CLEC6A: variants seen among roughly 807,000 people sequenced by gnomAD.
CLEC6A encodes C-type lectin domain family 6 member A.
A neutral mutation model predicts 25.7 loss-of-function variants in CLEC6A; 22 were observed. The ratio of observed to expected loss-of-function variants is 0.85; its 90% CI spans 0.61 to 1.22. The LOEUF (loss-of-function observed/expected upper bound fraction) is 1.22. Ranked by LOEUF, CLEC6A falls within the 50% of genes most tolerant of loss-of-function variation. The pLI, the probability that CLEC6A is intolerant of heterozygous loss-of-function variation, is 0.00. For missense variants in CLEC6A, 240 were observed against 236.8 expected (o/e 1.01, Z -0.09); for synonymous variants, 92 against 76.7 (o/e 1.20, Z -1.04).
intron 3 of CLEC6A, among the ~76,000 whole-genome samples, chr12:8,462,460 C>T (rs1371612487): frequency 1.4e-5 from 2 of 141,184 alleles, no homozygotes; most frequent in Non-Finnish European, 3.1e-5. Flanking sequence ...TGGAATGTCT[C>T]GGTATAAAAC....
rs1443785290 is a variant in CLEC6A at position 8,458,043 on chromosome 12, A to T, written c.121+56A>T. 6 of 1,247,674 alleles carry T rather than the reference A, an allele frequency of 4.8e-6. No individual in the cohort carries two copies. The African/African-American group carries it at 8.9e-5, about 18-fold the overall frequency. 77.3% of individuals were successfully genotyped at this position (1,247,674 alleles called of 1,614,324 possible). On this transcript the variant is annotated intron_variant, in intron 2 of 5. Transcript: ENST00000382073. The stretch of plus-strand genomic sequence containing the variant: ...GCTTCCTTTCCCTTGAATATTCCAT[A>T]CAGGTTTCCTAGGATATATTCTCCT...
intron 2 of CLEC6A, among the ~76,000 whole-genome samples, chr12:8,459,125 T>G (rs991423267): frequency 6.6e-6 from 1 of 152,164 alleles, no homozygotes; most frequent in Non-Finnish European, 1.5e-5. Flanking sequence ...AGTGAGTCCA[T>G]AAATATTTAT....
rs775534168 is a variant in CLEC6A at position 8,467,966 on chromosome 12, G to A, written c.369+2337G>A. 1.9e-4 allele frequency among the ~76,000 whole-genome samples: 29 copies of A among 151,790 alleles called. No homozygotes were observed. The Middle Eastern group carries it at 0.014, about 71-fold the overall frequency. ...TTTGCTTTTTTTTTTTCCCCAAGAC[G>A]GAGTTTTGCTCTGTCACCAGGCTGG... is the stretch of plus-strand genomic sequence containing the variant. On this transcript the variant is annotated intron_variant, in intron 4 of 5. Transcript: ENST00000382073.
chr12:8,475,194 A>G (rs1431042308), intron 4 of CLEC6A, among the ~76,000 whole-genome samples: 2 of 152,008 alleles, frequency 1.3e-5, no homozygotes, highest in South Asian at 2.1e-4. Context: ...GCTACTTTCT[A>G]GGGAAGAAGT....
At chr12:8,470,126 C>T (rs1282239075) in intron 4 of CLEC6A, among the ~76,000 whole-genome samples, 2 of 152,018 alleles carry the variant, frequency 1.3e-5, no homozygotes, top group Admixed American at 6.6e-5. Context: ...GGGCTAAGGA[C>T]ATGAATAGAC....
intron 4 of CLEC6A, among the ~76,000 whole-genome samples, chr12:8,468,079 T>C (rs1028355624): frequency 1.3e-5 from 2 of 152,024 alleles, no homozygotes; most frequent in African/African-American, 4.8e-5. Flanking sequence ...GTAGCTAGGA[T>C]TACAGGCATG....
At chr12:8,461,182 C>G in intron 3 of CLEC6A, 1 of 1,173,826 alleles carries the variant, frequency 8.5e-7, no homozygotes. Flanking sequence ...TGGTTCTCAT[C>G]TGGCAGATTG....
intron 3 of CLEC6A, among the ~76,000 whole-genome samples, chr12:8,463,646 A>G (rs981949409): frequency 8.5e-5 from 13 of 152,218 alleles, no homozygotes; most frequent in African/African-American, 3.1e-4. Flanking sequence ...GAAAGTAAAG[A>G]AAAAGAAATA....
chr12:8,456,093 A>C lies in CLEC6A; in HGVS notation c.-19A>C, dbSNP rs745738070. 2 of 1,613,690 alleles carry C rather than the reference A, an allele frequency of 1.2e-6. No individual in the cohort carries two copies. Among genetic ancestry groups the C allele is most frequent in the Non-Finnish European group, 1.7e-6 (2 of 1,179,736 alleles). On this transcript the variant is annotated 5_prime_UTR_variant, in exon 1 of 6. Transcript: ENST00000382073. ...GTACAAAAGGTTCCTGGACCTTCTC[A>C]ACACAGGGAGCCTGCATAATGATGC...
At chr12:8,475,951 C>T (rs766441070) in intron 4 of CLEC6A, among the ~76,000 whole-genome samples, 174 bp from the exon 5 acceptor site, 2 of 152,248 alleles carry the variant, frequency 1.3e-5, no homozygotes, top group Admixed American at 6.5e-5. Context: ...TGTTTCTTCC[C>T]TGTAATGATA....
chr12:8,465,355 C>G (rs1939815737), intron 3 of CLEC6A, 129 bp from the exon 4 acceptor site: 3 of 851,660 alleles, frequency 3.5e-6, no homozygotes. Context: ...TCTAGGAACC[C>G]AAATTCTATA....
chr12:8,457,895 CAG>C lies in CLEC6A; in HGVS notation c.33_34del. On this transcript the variant is annotated splice_acceptor_variant, in intron 1 of 5. Transcript: ENST00000382073. LOFTEE classifies it high-confidence loss of function. ...TGCATTTGTTGTCTTCCTGATTGGACAGAGAAAAGAGGCTGGTTGTCCCTGAG... is the reference window on the plus strand; with the variant it reads ...TGCATTTGTTGTCTTCCTGATTGGACAGAAAAGAGGCTGGTTGTCCCTGAG... 6.2e-7 allele frequency: 1 copy of C among 1,612,298 alleles called. No homozygotes were observed. Among genetic ancestry groups the C allele is most frequent in the Non-Finnish European group, 8.5e-7 (1 of 1,178,418 alleles).
Position 8,476,240 on chromosome 12 carries a change from G to A in CLEC6A, c.485G>A (p.Arg162Lys). ...IDKTPYEKNV[R>K]FWHLGEPNHS... ...AAGACACCTTATGAGAAAAATGTCAGGTGAGTGCAGTTCTGGGGCCTTGTT... is the reference window on the plus strand; with the variant it reads ...AAGACACCTTATGAGAAAAATGTCAAGTGAGTGCAGTTCTGGGGCCTTGTT... Residue 162 changes from arginine to lysine, a missense_variant and splice_region_variant, in exon 5 of 6, where the codon AGA becomes AAA. By Grantham distance (26) the Arg-to-Lys change is conservative. Transcript: ENST00000382073. 1 of 1,549,182 alleles carries A rather than the reference G, an allele frequency of 6.5e-7. No individual in the cohort carries two copies. The highest frequency in any genetic ancestry group is 8.9e-7 in the Non-Finnish European group (1 of 1,129,318).
chr12:8,460,556 G>C lies in CLEC6A; in HGVS notation c.223+858G>C, dbSNP rs374003588. On this transcript the variant is annotated intron_variant, in intron 3 of 5. Coordinates refer to ENST00000382073, the MANE Select transcript of CLEC6A (RefSeq NM_001007033.2). ...GGAGACAGAGAACCAAACCATATCA[G>C]TCAGCTTCATGGAAAAGGGGAAGAG... The C allele has an allele frequency of 2.4e-4, 201 of 828,352 alleles. 3 individuals are homozygous for C. In the South Asian group the frequency reaches 2.6e-3, roughly 11 times the overall value. 51.3% of individuals were successfully genotyped at this position (828,352 alleles called of 1,614,324 possible). A position where few individuals can be genotyped will look rare whatever the true frequency, so the allele number is the denominator to read the frequency against.
chr12:8,476,007 C>T, intron 4 of CLEC6A, 118 bp from the exon 5 acceptor site: 1 of 586,518 alleles, frequency 1.7e-6, no homozygotes, highest in South Asian at 2.5e-5. Flanking sequence ...CATCATGTGA[C>T]TGCTCCTTGC....
In CLEC6A at chr12:8,476,155, T is replaced by C. The variant is rs769676852; in HGVS notation, c.400T>C (p.Phe134Leu). The C allele has an allele frequency of 1.8e-5, 29 of 1,610,260 alleles. No individual in the cohort carries two copies. Among genetic ancestry groups the C allele is most frequent in the Non-Finnish European group, 2.3e-5 (27 of 1,178,790 alleles). The change falls in exon 5 of 6, where the codon TTT (phenylalanine) becomes CTT (leucine). Residue 134 changes from phenylalanine (F) to leucine (L), a missense_variant. Coordinates refer to ENST00000382073, the MANE Select transcript of CLEC6A (RefSeq NM_001007033.2). ...NFIVQQLNES[F>L]SYFLGLSDPQ... is the part of the protein sequence containing the mutation. ...CATTGTCCAGCAGCTGAATGAGTCA[T>C]TTTCTTATTTTCTGGGGCTTTCAGA...
At chr12:8,467,094 A>G (rs1342051348) in intron 4 of CLEC6A, among the ~76,000 whole-genome samples, 1 of 152,070 alleles carries the variant, frequency 6.6e-6, no homozygotes, top group African/African-American at 2.4e-5. Flanking sequence ...CTTGATATTA[A>G]CCCCTTACCA....
At chr12:8,476,343 C>T in intron 5 of CLEC6A, 103 bp downstream of exon 5, 1 of 728,286 alleles carries the variant, frequency 1.4e-6, no homozygotes, top group Admixed American at 2.4e-5. Flanking sequence ...CAGGATCTAA[C>T]AATTATTAAG....
At chr12:8,468,000 G>T (rs868807718) in intron 4 of CLEC6A, among the ~76,000 whole-genome samples, 1 of 152,106 alleles carries the variant, frequency 6.6e-6, no homozygotes, top group Middle Eastern at 3.4e-3. Context: ...GGAGTGCAGT[G>T]GTGTGATCTT....
Sources: allele counts gnomAD v4.1 joint callset (sites outside exome capture counted in the v4.1 genomes callset), GRCh38; gene constraint gnomAD v4.1.1; transcripts MANE v1.5; gene names NCBI Gene and HGNC (gene_info 2026-07-23, HGNC 2026-07-21).